Variants in L3MBTL4 observed in about 807,000 individuals in gnomAD.
L3MBTL4 encodes lethal(3)malignant brain tumor-like protein 4.
A neutral mutation model predicts 84.5 loss-of-function variants in L3MBTL4; 70 were observed. That is an observed-to-expected ratio of 0.83 (90% CI 0.68 to 1.01). The LOEUF (loss-of-function observed/expected upper bound fraction) is 1.01. L3MBTL4 is among the 50% of genes least tolerant of loss of function. The pLI, the probability that L3MBTL4 is intolerant of heterozygous loss-of-function variation, is 0.00. For synonymous variants in L3MBTL4, 274 were observed against 259.8 expected, an observed-to-expected ratio of 1.05 and a Z score of -0.52; for missense variants, 715 against 754.8, an observed-to-expected ratio of 0.95 and a Z score of 0.62.
intron 12 of L3MBTL4, among the ~76,000 whole-genome samples, chr18:6,175,077 T>G (rs2044165963): frequency 6.6e-6 from 1 of 151,888 alleles, no homozygotes; most frequent in African/African-American, 2.4e-5. Flanking sequence ...TTTGCAAGCT[T>G]AAGAATGACA....
intron 12 of L3MBTL4, among the ~76,000 whole-genome samples, chr18:6,207,819 T>C (rs2045935135): frequency 1.3e-5 from 2 of 151,968 alleles, no homozygotes; most frequent in Non-Finnish European, 2.9e-5. Context: ...CAAAAATGCA[T>C]CCCAGGCCAG....
At chr18:6,320,703 A>G (rs1285154499) in intron 1 of L3MBTL4, among the ~76,000 whole-genome samples, 1 of 152,184 alleles carries the variant, frequency 6.6e-6, no homozygotes, top group Non-Finnish European at 1.5e-5. Context: ...ATTCTTATCT[A>G]AATACCAACA....
chr18:6,220,256 A>AG (rs1367502962), intron 10 of L3MBTL4, among the ~76,000 whole-genome samples: 1 of 152,108 alleles, frequency 6.6e-6, no homozygotes, highest in Non-Finnish European at 1.5e-5. Context: ...TCGATTACAC[A>AG]GGGGAAAAGC....
intron 16 of L3MBTL4, among the ~76,000 whole-genome samples, chr18:6,066,092 G>A (rs1429714878): frequency 6.6e-6 from 1 of 151,888 alleles, no homozygotes; most frequent in Non-Finnish European, 1.5e-5. Flanking sequence ...TTCTAATTTA[G>A]ACCTTGATTT....
At chr18:6,213,124 T>C in intron 12 of L3MBTL4, 25 bp downstream of exon 12, 1 of 1,295,650 alleles carries the variant, frequency 7.7e-7, no homozygotes, top group Non-Finnish European at 1.1e-6. Flanking sequence ...ATTGATATAA[T>C]AACATAATAA....
chr18:5,994,079 A>T (rs2053830539), intron 16 of L3MBTL4, among the ~76,000 whole-genome samples: 1 of 152,180 alleles, frequency 6.6e-6, no homozygotes, highest in African/African-American at 2.4e-5. Flanking sequence ...TTCCAGGAAC[A>T]TAATCTGCAC....
intron 14 of L3MBTL4, among the ~76,000 whole-genome samples, chr18:6,109,034 G>T (rs193142882): frequency 6.6e-6 from 1 of 152,290 alleles, no homozygotes; most frequent in Non-Finnish European, 1.5e-5. Flanking sequence ...GCTGAATTGA[G>T]ACTTTCAAGG....
intron 13 of L3MBTL4, among the ~76,000 whole-genome samples, chr18:6,163,076 A>C (rs1047891384): frequency 2.0e-5 from 3 of 152,160 alleles, no homozygotes; most frequent in Admixed American, 6.5e-5. Flanking sequence ...AGAAGAGAGA[A>C]AAGACAATCA....
intron 16 of L3MBTL4, among the ~76,000 whole-genome samples, chr18:5,975,415 A>G (rs919394186): frequency 3.9e-5 from 6 of 152,210 alleles, no homozygotes; most frequent in Non-Finnish European, 7.3e-5. Context: ...AATCTGTGAC[A>G]GTCACCGACC....
chr18:6,234,971 G>A (rs925653179), intron 10 of L3MBTL4, among the ~76,000 whole-genome samples: 2 of 152,108 alleles, frequency 1.3e-5, no homozygotes, highest in African/African-American at 4.8e-5. Flanking sequence ...TATACACCAT[G>A]AAATACTATG....
rs2045839849 is a variant in L3MBTL4, at chr18:6,205,572, T to C, written c.981+7577A>G. On this transcript the variant is annotated intron_variant, in intron 12 of 18. Transcript: ENST00000317931. ...AGTAGTAATAGGAAAGTAAAACAAC[T>C]ACATTCTGGAAATATATTAATCTTG... Among the ~76,000 whole-genome samples, 2 of 152,206 alleles carry C rather than the reference T, an allele frequency of 1.3e-5. 1 individual carries two copies. The highest frequency in any genetic ancestry group is 4.1e-4 in the South Asian group (2 of 4,830).
chr18:6,093,349 T>A lies in L3MBTL4; in HGVS notation c.1373+6A>T. On this transcript the variant is annotated splice_donor_region_variant and intron_variant, in intron 15 of 18. Coordinates refer to ENST00000317931, the MANE Select transcript of L3MBTL4 (RefSeq NM_001330559.2). ...TTCTGGCTCACATTTTTAAGAAGTT[T>A]CTTACCTGGGCTGACTGTTCACCTT... 1 of 1,590,156 alleles carries A rather than the reference T, an allele frequency of 6.3e-7. No homozygotes were observed. Among genetic ancestry groups the A allele is most frequent in the Non-Finnish European group, 8.5e-7 (1 of 1,172,760 alleles).
intron 5 of L3MBTL4, chr18:6,259,716 A>G (rs1414270682): frequency 6.6e-6 from 1 of 151,210 alleles, no homozygotes; most frequent in East Asian, 2.0e-4. Context: ...GTTTGTGAAT[A>G]TTTTCTCCCA....
At chr18:6,283,211 A>G (rs1398476025) in intron 4 of L3MBTL4, among the ~76,000 whole-genome samples, 1 of 152,194 alleles carries the variant, frequency 6.6e-6, no homozygotes, top group Non-Finnish European at 1.5e-5. Context: ...TGCCTCTGTC[A>G]TTTTCCCATG....
intron 16 of L3MBTL4, among the ~76,000 whole-genome samples, chr18:6,067,082 C>A (rs546544484): frequency 6.6e-6 from 1 of 152,236 alleles, no homozygotes; most frequent in Admixed American, 6.5e-5. Context: ...ATACAAAATT[C>A]TTGGCTTACA....
chr18:6,390,391 T>C (rs527292760), intron 1 of L3MBTL4, among the ~76,000 whole-genome samples: 9 of 152,162 alleles, frequency 5.9e-5, no homozygotes, highest in African/African-American at 2.2e-4. Context: ...AGTTCACAAA[T>C]TAACAACTTA....
chr18:6,114,580 A>G (rs1461955551), intron 14 of L3MBTL4, among the ~76,000 whole-genome samples: 2 of 152,210 alleles, frequency 1.3e-5, no homozygotes, highest in African/African-American at 4.8e-5. Flanking sequence ...ATTTCAACCA[A>G]TGTTTCCAGA....
At chr18:6,334,455 TA>T (rs910366086) in intron 1 of L3MBTL4, among the ~76,000 whole-genome samples, 2 of 151,938 alleles carry the variant, frequency 1.3e-5, no homozygotes, top group Middle Eastern at 3.2e-3. Context: ...AAAGTTTTTT[TA>T]AAAAAAGTCT....
At chr18:6,186,020 T>G (rs2044742530) in intron 12 of L3MBTL4, among the ~76,000 whole-genome samples, 1 of 150,868 alleles carries the variant, frequency 6.6e-6, no homozygotes, top group African/African-American at 2.5e-5. Flanking sequence ...TTTTATTTTA[T>G]TTTATTTTAG....
Sources: allele counts gnomAD v4.1 joint callset (sites outside exome capture counted in the v4.1 genomes callset), GRCh38; gene constraint gnomAD v4.1.1; transcripts MANE v1.5; gene names NCBI Gene and HGNC (gene_info 2026-07-23, HGNC 2026-07-21).